The following SENP7 variants were observed in gnomAD, a reference collection of about 807,000 sequenced individuals.
SENP7 encodes the protein sentrin-specific protease 7.
A neutral mutation model predicts 141.2 loss-of-function variants in SENP7; 64 were observed. The observed-to-expected ratio is 0.45, with a 90% CI of 0.37 to 0.56. The LOEUF (loss-of-function observed/expected upper bound fraction) is 0.56. Ranked by LOEUF, SENP7 falls within the 20% of genes least tolerant of loss-of-function variation. The probability of loss-of-function intolerance (pLI) is 0.00; values close to 1 mark genes in which losing one functional copy is unlikely to be tolerated. For synonymous variants in SENP7, 382 were observed against 426.4 expected, an observed-to-expected ratio of 0.90 and a Z score of 1.28; for missense variants, 1,025 against 1,212.2, an observed-to-expected ratio of 0.85 and a Z score of 2.29.
At chr3:101,510,627 T>C (rs1380305650) in intron 1 of SENP7, among the ~76,000 whole-genome samples, 2 of 151,920 alleles carry the variant, frequency 1.3e-5, no homozygotes, top group African/African-American at 2.4e-5. Flanking sequence ...CCGAGGCAAG[T>C]GGATCACCTG....
At chr3:101,498,078 T>A (rs1016146154) in intron 2 of SENP7, among the ~76,000 whole-genome samples, 9 of 152,214 alleles carry the variant, frequency 5.9e-5, no homozygotes, top group Admixed American at 1.3e-4. Flanking sequence ...ATTACAGTTG[T>A]GAGCCACCAC....
chr3:101,409,605 G>A (rs948789288), intron 5 of SENP7, among the ~76,000 whole-genome samples: 1 of 152,264 alleles, frequency 6.6e-6, no homozygotes, highest in East Asian at 1.9e-4. Flanking sequence ...CAAGGGAAGA[G>A]AATAGAGAAC....
chr3:101,345,754 T>C (rs2059439000), intron 13 of SENP7, among the ~76,000 whole-genome samples: 4 of 152,148 alleles, frequency 2.6e-5, no homozygotes, highest in African/African-American at 4.8e-5. Flanking sequence ...TCTCACCTTA[T>C]ACAAAAATCA....
chr3:101,467,132 G>A (rs990591427), intron 3 of SENP7, among the ~76,000 whole-genome samples: 4 of 152,238 alleles, frequency 2.6e-5, no homozygotes, highest in Non-Finnish European at 5.9e-5. Context: ...GGCTGGGGGA[G>A]GGGCATCCGC....
Position 101,342,918 on chromosome 3 carries a change from G to A in SENP7, c.2106+768C>T, listed in dbSNP as rs190690973. ...TGACCTCTCGTGATCCACCTGCCTCGGCCTCCCAAAGTGCTGGGATTACAG... is the reference window on the plus strand; with the variant it reads ...TGACCTCTCGTGATCCACCTGCCTCAGCCTCCCAAAGTGCTGGGATTACAG... On this transcript the variant is annotated intron_variant, in intron 14 of 23. Coordinates refer to ENST00000394095, the MANE Select transcript of SENP7 (RefSeq NM_020654.5). 7.3e-3 allele frequency among the ~76,000 whole-genome samples: 1,109 copies of A among 152,086 alleles called. 11 individuals carry two copies. Among genetic ancestry groups the A allele is most frequent in the African/African-American group, 0.024 (1,006 of 41,468 alleles).
At chr3:101,425,294 C>T (rs1057110070) in intron 4 of SENP7, among the ~76,000 whole-genome samples, 8 of 152,136 alleles carry the variant, frequency 5.3e-5, no homozygotes, top group African/African-American at 1.7e-4. Flanking sequence ...AGCACCTCAG[C>T]CCCCCAACAC....
intron 3 of SENP7, among the ~76,000 whole-genome samples, chr3:101,461,805 A>G (rs2063556237): frequency 6.6e-6 from 1 of 152,260 alleles, no homozygotes; most frequent in Non-Finnish European, 1.5e-5. Flanking sequence ...ATATCCATAC[A>G]ATGGAATATT....
intron 16 of SENP7, among the ~76,000 whole-genome samples, chr3:101,338,456 A>C (rs1339352329): frequency 2.0e-5 from 3 of 152,150 alleles, no homozygotes; most frequent in African/African-American, 7.2e-5. Flanking sequence ...TTATAATCCA[A>C]TCACTTAGTA....
chr3:101,448,839 G>C (rs549140513), intron 4 of SENP7, among the ~76,000 whole-genome samples: 1 of 152,192 alleles, frequency 6.6e-6, no homozygotes, highest in Non-Finnish European at 1.5e-5. Flanking sequence ...CCAAAGGAAC[G>C]CAGCTTCTCA....
chr3:101,443,844 G>A (rs868317272), intron 4 of SENP7, among the ~76,000 whole-genome samples: 4 of 147,276 alleles, frequency 2.7e-5, no homozygotes, highest in Non-Finnish European at 3.0e-5. Context: ...GAGATTTTGG[G>A]CTGAGACGAT....
Position 101,447,281 on chromosome 3 carries a change from C to T in SENP7, c.284+11674G>A, listed in dbSNP as rs1264348992. On this transcript the variant is annotated intron_variant, in intron 4 of 23. Coordinates refer to ENST00000394095, the MANE Select transcript of SENP7 (RefSeq NM_020654.5). ...GCAACACAATGAGACCCCGTCTCTACAAATTCAAAAAATTGGCCAAGCGTG... is the reference window on the plus strand; with the variant it reads ...GCAACACAATGAGACCCCGTCTCTATAAATTCAAAAAATTGGCCAAGCGTG... Among the ~76,000 whole-genome samples the T allele has an allele frequency of 3.9e-5, 6 of 151,930 alleles. No homozygotes were observed. In the East Asian group the frequency reaches 1.2e-3, roughly 29 times the overall value.
chr3:101,386,042 TA>T (rs201317440), intron 6 of SENP7, among the ~76,000 whole-genome samples: 16 of 149,520 alleles, frequency 1.1e-4, no homozygotes, highest in Admixed American at 6.0e-4. Context: ...AATACATGGA[TA>T]AAAAAAAAAT....
intron 13 of SENP7, among the ~76,000 whole-genome samples, chr3:101,346,016 T>A (rs545900949): frequency 6.6e-6 from 1 of 152,238 alleles, no homozygotes; most frequent in East Asian, 1.9e-4. Flanking sequence ...TCACAATCTA[T>A]GCATCCAACA....
chr3:101,455,591 C>A (rs1051417761), intron 4 of SENP7, among the ~76,000 whole-genome samples: 2 of 152,002 alleles, frequency 1.3e-5, no homozygotes, highest in Non-Finnish European at 2.9e-5. Flanking sequence ...ATTATGTAAG[C>A]TCATTGATAG....
chr3:101,479,199 G>A (rs546885002), intron 3 of SENP7, among the ~76,000 whole-genome samples: 8 of 152,220 alleles, frequency 5.3e-5, no homozygotes, highest in South Asian at 2.1e-4. Context: ...AGTCCTAGCC[G>A]GAGCAATCAG....
At chr3:101,344,035 T>C (rs1323497306) in intron 13 of SENP7, 81 bp from the exon 14 acceptor site, 3 of 986,438 alleles carry the variant, frequency 3.0e-6, no homozygotes, top group Non-Finnish European at 4.3e-6. Context: ...TTATTAATAA[T>C]AGTAAGGTTG....
intron 6 of SENP7, among the ~76,000 whole-genome samples, chr3:101,390,334 C>T (rs889649823): frequency 8.3e-6 from 1 of 120,970 alleles, no homozygotes; most frequent in Non-Finnish European, 1.7e-5. Flanking sequence ...TAAAGACATA[C>T]ATTGACCGAA....
intron 12 of SENP7, among the ~76,000 whole-genome samples, chr3:101,350,627 G>A (rs898644022): frequency 1.1e-4 from 16 of 151,964 alleles, no homozygotes; most frequent in African/African-American, 3.4e-4. Context: ...AATATTAACT[G>A]TGAAAATCTA....
chr3:101,492,533 G>A (rs552244122), intron 3 of SENP7, among the ~76,000 whole-genome samples: 1 of 152,324 alleles, frequency 6.6e-6, no homozygotes, highest in African/African-American at 2.4e-5. Context: ...AACTCCCAGG[G>A]CCTTAAAAGG....
Sources: gnomAD v4.1 joint callset for allele counts (sites outside exome capture counted in the v4.1 genomes callset) on GRCh38, gnomAD v4.1.1 for gene constraint, MANE v1.5 for transcripts, NCBI Gene and HGNC (gene_info 2026-07-23, HGNC 2026-07-21) for gene names.